Variants in PDE1C observed in about 807,000 individuals in gnomAD.
PDE1C encodes dual specificity calcium/calmodulin-dependent 3',5'-cyclic nucleotide phosphodiesterase 1C.
Under a neutral mutation model 93.1 loss-of-function variants are expected in PDE1C, and 62 were observed. The ratio of observed to expected loss-of-function variants is 0.67; its 90% CI spans 0.54 to 0.82. The LOEUF is 0.82. PDE1C is among the 40% of genes least tolerant of loss of function. PDE1C has a pLI of 0.00. For synonymous variants in PDE1C, 325 were observed against 310.1 expected, an observed-to-expected ratio of 1.05 and a Z score of -0.50; for missense variants, 742 against 884.6, an observed-to-expected ratio of 0.84 and a Z score of 2.04.
At chr7:32,339,048 A>ACACACAC (rs1554308604) in intron 1 of PDE1C, among the ~76,000 whole-genome samples, 1 of 149,592 alleles carries the variant, frequency 6.7e-6, no homozygotes, top group African/African-American at 2.4e-5. Flanking sequence ...ACACACACAC[A>ACACACAC]AAGAGTATTA....
chr7:31,710,899 G>A, the PDE1C span, among the ~76,000 whole-genome samples: 1 of 152,104 alleles, frequency 6.6e-6, no homozygotes, highest in Non-Finnish European at 1.5e-5. Flanking sequence ...AAAAATCAGG[G>A]CAGAAGACTC....
At chr7:32,115,603 C>T (rs967035637) in intron 3 of PDE1C, among the ~76,000 whole-genome samples, 2 of 152,124 alleles carry the variant, frequency 1.3e-5, no homozygotes, top group African/African-American at 4.8e-5. Flanking sequence ...CCTGCACATT[C>T]TTCACATGTA....
chr7:31,947,043 G>A (rs1188177656), intron 2 of PDE1C, among the ~76,000 whole-genome samples: 1 of 152,172 alleles, frequency 6.6e-6, no homozygotes, highest in Non-Finnish European at 1.5e-5. Flanking sequence ...TTCCTCTGGT[G>A]GTCTTTGTTT....
At chr7:32,118,833 T>C (rs1799132739) in intron 3 of PDE1C, among the ~76,000 whole-genome samples, 1 of 152,190 alleles carries the variant, frequency 6.6e-6, no homozygotes, top group Non-Finnish European at 1.5e-5. Context: ...GAGTTTCAGA[T>C]GGGACTTTCA....
rs1808398138 is a variant in PDE1C, at chr7:32,239,681, A to G, written c.86-30142T>C. 2.0e-5 allele frequency among the ~76,000 whole-genome samples: 3 copies of G among 152,354 alleles called. No individual in the cohort carries two copies. In the South Asian group the frequency reaches 6.2e-4, roughly 32 times the overall value. ...ACAATGAAATAGCATCAAATTAAGT[A>G]TAGCAATGTTCTTTAGAGGACAGGG... On this transcript the variant is annotated intron_variant, in intron 1 of 18. Coordinates refer to the PDE1C transcript ENST00000396193.
intron 14 of PDE1C, among the ~76,000 whole-genome samples, chr7:31,817,649 G>C (rs767304357): frequency 3.9e-5 from 6 of 152,132 alleles, no homozygotes; most frequent in Non-Finnish European, 5.9e-5. Flanking sequence ...GTTTTAAAAT[G>C]CTCCACACAT....
chr7:31,865,525 T>C (rs1795189251), intron 6 of PDE1C, among the ~76,000 whole-genome samples: 1 of 152,204 alleles, frequency 6.6e-6, no homozygotes, highest in African/African-American at 2.4e-5. Flanking sequence ...AACAATGTTG[T>C]AAATAACACT....
At chr7:31,893,585 G>C in intron 2 of PDE1C, 2 of 750,324 alleles carry the variant, frequency 2.7e-6, no homozygotes, top group African/African-American at 3.8e-5. Flanking sequence ...TTTCTCTGTG[G>C]TTAAAAATAT....
At chr7:31,627,042 G>C in the PDE1C span, among the ~76,000 whole-genome samples, 1 of 152,128 alleles carries the variant, frequency 6.6e-6, no homozygotes, top group Non-Finnish European at 1.5e-5. Context: ...AGGTGTTCTG[G>C]AGTATTTCTT....
At chr7:31,869,828 C>T (rs539421244) in intron 6 of PDE1C, among the ~76,000 whole-genome samples, 1 of 152,174 alleles carries the variant, frequency 6.6e-6, no homozygotes, top group East Asian at 1.9e-4. Context: ...TTCTCACCAA[C>T]ACAAAGAACA....
Position 32,082,244 on chromosome 7 carries a change from G to A in PDE1C, c.308+87541C>T, listed in dbSNP as rs538069596. On this transcript the variant is annotated intron_variant, in intron 3 of 18. Coordinates refer to the PDE1C transcript ENST00000396193. ...ATGGCTCTGAGGGTCCTACGCCCAC[G>A]GAGTCTCGCTGATTGCTAGCACAGC... is the stretch of plus-strand genomic sequence containing the variant. 3.7e-3 allele frequency among the ~76,000 whole-genome samples: 571 copies of A among 152,364 alleles called. 3 individuals carry two copies. The highest frequency in any genetic ancestry group is 0.013 in the African/African-American group (542 of 41,582).
chr7:32,206,317 C>G (rs80104928), intron 2 of PDE1C, among the ~76,000 whole-genome samples: 6 of 152,122 alleles, frequency 3.9e-5, no homozygotes, highest in African/African-American at 1.4e-4. Flanking sequence ...ATGCAGTCTT[C>G]AATCAGCGTT....
At position 32,169,671 on chromosome 7, in the gene PDE1C, T is replaced by C. The variant is rs977624; in HGVS notation, c.308+114A>G. 250,058 of 849,730 alleles carry C rather than the reference T, an allele frequency of 0.29. 38,601 individuals are homozygous for C. Among genetic ancestry groups the C allele is most frequent in the East Asian group, 0.44 (16,966 of 38,296 alleles). 52.6% of individuals were successfully genotyped at this position (849,730 alleles called of 1,614,324 possible). ...ACCCTCCTTCATCAATTTTAATTTA[T>C]TCAGTGCAAAGAAATGAAGTAATTT... On this transcript the variant is annotated intron_variant, in intron 3 of 18. Coordinates refer to the PDE1C transcript ENST00000396193.
At chr7:31,880,609 T>C (rs974395456) in intron 3 of PDE1C, 138 bp downstream of exon 3, 14 of 605,262 alleles carry the variant, frequency 2.3e-5, no homozygotes, top group Non-Finnish European at 4.1e-5. Context: ...TCTATCCTCT[T>C]TGTTTGTGGA....
the PDE1C span, among the ~76,000 whole-genome samples, chr7:31,623,563 A>G: frequency 2.0e-5 from 3 of 151,504 alleles, no homozygotes; most frequent in South Asian, 2.1e-4. Context: ...AACCCTTCAT[A>G]CTAAAAACTC....
chr7:31,682,984 T>C, the PDE1C span, among the ~76,000 whole-genome samples: 3 of 152,048 alleles, frequency 2.0e-5, no homozygotes, highest in Non-Finnish European at 4.4e-5. Flanking sequence ...CTGTGGAGTC[T>C]GGGAGGGTAA....
intron 16 of PDE1C, among the ~76,000 whole-genome samples, chr7:31,804,658 T>C (rs1001670946): frequency 6.6e-6 from 1 of 151,872 alleles, no homozygotes; most frequent in African/African-American, 2.4e-5. Flanking sequence ...AGAACTTTCG[T>C]CTTTTTACTT....
intron 16 of PDE1C, among the ~76,000 whole-genome samples, chr7:31,798,552 T>C (rs1785596128): frequency 6.6e-6 from 1 of 151,786 alleles, no homozygotes; most frequent in Non-Finnish European, 1.5e-5. Flanking sequence ...AGTAGAAGTC[T>C]GAACAAAAAT....
At chr7:32,231,978 CACACACACACACACACACAT>C (rs1247318183) in intron 1 of PDE1C, among the ~76,000 whole-genome samples, 3 of 138,008 alleles carry the variant, frequency 2.2e-5, no homozygotes, top group Non-Finnish European at 3.2e-5. Flanking sequence ...CACACACACA[CACACACACACACACACACAT>C]ATATGATGAA....
Sources: gnomAD v4.1 joint callset for allele counts (sites outside exome capture counted in the v4.1 genomes callset) on GRCh38, gnomAD v4.1.1 for gene constraint, MANE v1.5 for transcripts, NCBI Gene and HGNC (gene_info 2026-07-23, HGNC 2026-07-21) for gene names.